LIG1: variants seen among roughly 807,000 people sequenced by gnomAD.
The protein encoded by LIG1 is ligase I, DNA, ATP-dependent.
A neutral mutation model predicts 115.7 loss-of-function variants in LIG1; 70 were observed. The ratio of observed to expected loss-of-function variants is 0.60; its 90% confidence interval spans 0.50 to 0.74. LIG1 has a LOEUF of 0.74. LIG1 is among the 30% of genes least tolerant of loss of function. LIG1 has a pLI of 0.00. For synonymous variants in LIG1, 487 were observed against 495.3 expected (o/e 0.98, Z 0.22); for missense variants, 1,115 against 1,225.6 (o/e 0.91, Z 1.35).
chr19:48,133,781 C>T (rs1227983277), intron 17 of LIG1, among the ~76,000 whole-genome samples, 200 bp downstream of exon 17: 1 of 152,124 alleles, frequency 6.6e-6, no homozygotes, highest in African/African-American at 2.4e-5. Flanking sequence ...ACAGCAGTGT[C>T]ACCTACACCC....
chr19:48,115,851 C>G (rs1199869009), intron 27 of LIG1, 22 bp downstream of exon 27: 1 of 1,607,578 alleles, frequency 6.2e-7, no homozygotes, highest in African/African-American at 1.3e-5. Context: ...GGGCGGCCCA[C>G]CCCTGCTTCC....
intron 3 of LIG1, 65 bp downstream of exon 3, chr19:48,162,197 T>C (rs2036218916): frequency 6.8e-7 from 1 of 1,468,630 alleles, no homozygotes; most frequent in South Asian, 1.1e-5. Context: ...GTTTGAACAC[T>C]TGCAACCAAG....
At chr19:48,143,296 C>G (rs547935105) in intron 11 of LIG1, among the ~76,000 whole-genome samples, 1 of 152,338 alleles carries the variant, frequency 6.6e-6, no homozygotes, top group African/African-American at 2.4e-5. Context: ...CGAGATGGAG[C>G]CTGTCTCCTT....
At chr19:48,153,639 C>A (rs910559168) in intron 6 of LIG1, among the ~76,000 whole-genome samples, 2 of 18,962 alleles carry the variant, frequency 1.1e-4, no homozygotes, top group African/African-American at 4.2e-4. Context: ...AGATCCAAAA[C>A]ACACACACAC....
At chr19:48,149,706 A>G in intron 9 of LIG1, 57 bp downstream of exon 9, 1 of 1,393,278 alleles carries the variant, frequency 7.2e-7, no homozygotes, top group Non-Finnish European at 1.0e-6. Flanking sequence ...GGGCTGTCGG[A>G]ATGCAGAGAA....
chr19:48,136,130 GGA>G lies in LIG1; in HGVS notation c.1332-7_1332-6del, dbSNP rs976861069. 3.8e-6 allele frequency: 6 copies of G among 1,561,188 alleles called. No individual in the cohort carries two copies. The highest frequency in any genetic ancestry group is 5.2e-6 in the Non-Finnish European group (6 of 1,152,854). On this transcript the variant is annotated splice_polypyrimidine_tract_variant and splice_region_variant and intron_variant, in intron 14 of 27. Coordinates refer to ENST00000263274, the MANE Select transcript of LIG1 (RefSeq NM_000234.3). Reference sequence around the variant, plus strand: ...CGCAGCCGTCCGCTCAGGGACCTGGGGAGAGAGCAGGCCAGGGAAGGGGGCTT... The same window carrying G: ...CGCAGCCGTCCGCTCAGGGACCTGGGGAGAGCAGGCCAGGGAAGGGGGCTT...
rs760719822 is a variant in LIG1 at position 48,123,249 on chromosome 19, C to T, written c.2074G>A (p.Glu692Lys). 12 of 1,614,000 alleles carry T rather than the reference C, an allele frequency of 7.4e-6. No individual in the cohort carries two copies. The highest frequency in any genetic ancestry group is 3.3e-5 in the South Asian group (3 of 91,080). ...TCCAGGGAGGTGGCGAAGACAAACT[C>T]GCCCTCTGTCTCCACAAAGTTCTCC... ...LRENFVETEG[E>K]FVFATSLDTK... is the part of the protein sequence containing the mutation. The change falls in exon 22 of 28, where the codon GAG becomes AAG. Residue 692 changes from glutamate to lysine, a missense_variant. By Grantham distance (56) the Glu-to-Lys change is moderately conservative. Transcript: ENST00000263274.
At chr19:48,143,069 GAGA>G (rs375555900) in intron 11 of LIG1, among the ~76,000 whole-genome samples, 25 of 152,218 alleles carry the variant, frequency 1.6e-4, no homozygotes, top group Admixed American at 6.5e-5. Flanking sequence ...ACATGCTGCT[GAGA>G]AGGACCAGGG....
At chr19:48,148,499 G>A (rs559096480) in intron 9 of LIG1, among the ~76,000 whole-genome samples, 1 of 150,904 alleles carries the variant, frequency 6.6e-6, no homozygotes, top group South Asian at 2.1e-4. Flanking sequence ...AAAGCAGGGA[G>A]GAATGACAGC....
At chr19:48,167,479 T>C (rs2036542831) in intron 1 of LIG1, among the ~76,000 whole-genome samples, 2 of 152,104 alleles carry the variant, frequency 1.3e-5, no homozygotes, top group Non-Finnish European at 2.9e-5. Flanking sequence ...CACTACTCTC[T>C]ACAGCCTTGG....
At chr19:48,140,213 G>C (rs1032587815) in intron 11 of LIG1, 70 bp from the exon 12 acceptor site, 16 of 672,758 alleles carry the variant, frequency 2.4e-5, no homozygotes, top group Non-Finnish European at 4.1e-5. Context: ...GGTGGGGTGG[G>C]TTTAAGGGGG....
chr19:48,159,995 GCGTGAGCCACCACACCCAGC>G (rs1346772303), intron 4 of LIG1, among the ~76,000 whole-genome samples: 1 of 152,218 alleles, frequency 6.6e-6, no homozygotes, highest in Non-Finnish European at 1.5e-5. Flanking sequence ...GGGATTACAG[GCGTGAGCCACCACACCCAGC>G]CACTTGCTTT....
intron 6 of LIG1, 134 bp downstream of exon 6, chr19:48,153,738 T>TCA (rs10625177): frequency 9.4e-4 from 389 of 415,682 alleles, no homozygotes; most frequent in South Asian, 2.1e-3. Context: ...CCTCTTGGCT[T>TCA]CACACACACA....
intron 23 of LIG1, 99 bp from the exon 24 acceptor site, chr19:48,121,421 AG>A: frequency 8.3e-7 from 1 of 1,197,650 alleles, no homozygotes; most frequent in Middle Eastern, 2.1e-4. Context: ...AGGGACTAGA[AG>A]TAAGTCTGAA....
rs546844243 is a variant in LIG1, at chr19:48,122,412, G to A, written c.2232+522C>T. 42 of 186,994 alleles carry A rather than the reference G, an allele frequency of 2.2e-4. No individual in the cohort carries two copies. In the East Asian group the frequency reaches 4.6e-3, roughly 21 times the overall value. 11.6% of individuals were successfully genotyped at this position (186,994 alleles called of 1,614,324 possible). A position where few individuals can be genotyped will look rare whatever the true frequency, so the allele number is the denominator to read the frequency against. On this transcript the variant is annotated intron_variant, in intron 23 of 27. Coordinates refer to ENST00000263274, the MANE Select transcript of LIG1 (RefSeq NM_000234.3). The surrounding 1 kb of genome is among the most constrained non-coding windows in gnomAD (Gnocchi z 4.3). Reference sequence around the variant, plus strand: ...GCTCCCCACTCTGAGCTCACCTCCCGCCTCGCCTGCCCTTGCTCCCTGCAC... The same window carrying A: ...GCTCCCCACTCTGAGCTCACCTCCCACCTCGCCTGCCCTTGCTCCCTGCAC...
Position 48,122,674 on chromosome 19 carries a change from GGA to G in LIG1, c.2232+258_2232+259del, listed in dbSNP as rs1375257926. On this transcript the variant is annotated intron_variant, in intron 23 of 27. Coordinates refer to ENST00000263274, the MANE Select transcript of LIG1 (RefSeq NM_000234.3). The surrounding 1 kb of genome is among the most constrained non-coding windows in gnomAD (Gnocchi z 4.3). ...TGGCCCGACACGGGCGGCAGGCTCA[GGA>G]GAGAGACACCTCATCACGCTGCACC... is the stretch of plus-strand genomic sequence containing the variant. 6.6e-6 allele frequency among the ~76,000 whole-genome samples: 1 copy of G among 152,234 alleles called. No individual in the cohort carries two copies. Among genetic ancestry groups the G allele is most frequent in the Admixed American group, 6.5e-5 (1 of 15,290 alleles).
intron 24 of LIG1, chr19:48,120,872 C>T (rs2033214923): frequency 9.2e-7 from 1 of 1,090,452 alleles, no homozygotes; most frequent in Non-Finnish European, 1.2e-6. Flanking sequence ...AGACTGCCCC[C>T]TCCACACTTC....
At chr19:48,161,125 T>G in intron 4 of LIG1, 3 of 573,326 alleles carry the variant, frequency 5.2e-6, no homozygotes, top group Non-Finnish European at 9.4e-6. Context: ...ATGAGGAAGG[T>G]GTTACCAGGA....
At chr19:48,169,911 T>TTC (rs35030999) in intron 1 of LIG1, 18,488 of 79,660 alleles carry the variant, frequency 0.23, 2,941 homozygotes, top group East Asian at 0.42. Context: ...CACACAGTTT[T>TTC]CCCCCCCCCG....
Sources: gnomAD v4.1 joint callset for allele counts (sites outside exome capture counted in the v4.1 genomes callset) on GRCh38, gnomAD v4.1.1 for gene constraint, Gnocchi (gnomAD v3.1) non-coding constraint, MANE v1.5 for transcripts, NCBI Gene and HGNC (gene_info 2026-07-23, HGNC 2026-07-21) for gene names.